Variants in STAG1 observed in about 807,000 individuals in gnomAD.
STAG1 encodes STAG1 cohesin complex component.
In STAG1, 26 loss-of-function variants were observed where a neutral mutation model predicts 170.9. The ratio of observed to expected loss-of-function variants is 0.15; its 90% CI spans 0.11 to 0.21. STAG1 has a LOEUF of 0.21. Among genes scored for constraint, STAG1 ranks in the 10% least tolerant of loss-of-function variants. The pLI, the probability that STAG1 is intolerant of heterozygous loss-of-function variation, is 1.00. For synonymous variants in STAG1, 514 were observed against 497.7 expected (o/e 1.03, Z -0.44); for missense variants, 964 against 1,509.5 (o/e 0.64, Z 5.99).
chr3:136,430,806 G>GACACACACACACACACACACACACAC (rs35492621), intron 16 of STAG1, among the ~76,000 whole-genome samples: 1 of 131,104 alleles, frequency 7.6e-6, no homozygotes, highest in Non-Finnish European at 1.6e-5. Flanking sequence ...GACATAGACA[G>GACACACACACACACACACACACACAC]ACACACACAC....
chr3:136,523,598 A>G (rs992894409), intron 6 of STAG1, among the ~76,000 whole-genome samples: 5 of 152,136 alleles, frequency 3.3e-5, no homozygotes, highest in Non-Finnish European at 2.9e-5. Flanking sequence ...CTTTAGTTTA[A>G]TTAGATCCCA....
chr3:136,449,895 T>C (rs2088888048), intron 14 of STAG1, among the ~76,000 whole-genome samples: 1 of 148,290 alleles, frequency 6.7e-6, no homozygotes, highest in African/African-American at 2.5e-5. Context: ...CTGAAACTAT[T>C]GTTGCTTTTT....
intron 4 of STAG1, among the ~76,000 whole-genome samples, chr3:136,582,340 G>C (rs1350190219): frequency 2.0e-5 from 3 of 152,144 alleles, no homozygotes; most frequent in Non-Finnish European, 4.4e-5. Flanking sequence ...GAGAGCTGAG[G>C]GAGTTTGTTT....
chr3:136,518,580 G>A (rs532312738), intron 7 of STAG1, among the ~76,000 whole-genome samples: 2 of 152,188 alleles, frequency 1.3e-5, no homozygotes, highest in South Asian at 4.1e-4. Context: ...TTTGTTGAAG[G>A]GTAGGTGACT....
chr3:136,684,435 A>G (rs936649221), intron 1 of STAG1, among the ~76,000 whole-genome samples: 3 of 152,180 alleles, frequency 2.0e-5, no homozygotes, highest in African/African-American at 7.2e-5. Context: ...AAGAAAAGAT[A>G]GGCTTTTCAA....
intron 1 of STAG1, among the ~76,000 whole-genome samples, chr3:136,689,137 G>C (rs950174185): frequency 2.0e-5 from 3 of 152,202 alleles, no homozygotes; most frequent in Non-Finnish European, 2.9e-5. Context: ...ATTTTCTCAA[G>C]AATAATTTTG....
intron 1 of STAG1, among the ~76,000 whole-genome samples, chr3:136,712,884 A>T (rs1943422668): frequency 6.6e-6 from 1 of 152,164 alleles, no homozygotes; most frequent in African/African-American, 2.4e-5. Context: ...TGAGGTCAGG[A>T]GTTTGAGACC....
intron 5 of STAG1, among the ~76,000 whole-genome samples, chr3:136,550,223 G>A (rs1936326568): frequency 6.6e-6 from 1 of 151,842 alleles, no homozygotes; most frequent in Non-Finnish European, 1.5e-5. Flanking sequence ...TTCTTTAAAT[G>A]TTTGGCGAAA....
rs3042748 is a variant in STAG1, at chr3:136,559,124, CCTATCTATCTATCTAT to C, written c.394+9625_394+9640del. On this transcript the variant is annotated intron_variant, in intron 5 of 33. Coordinates refer to ENST00000383202, the MANE Select transcript of STAG1 (RefSeq NM_005862.3). ...ATTTAAGAAAGATAACACTGAACTA[CCTATCTATCTATCTAT>C]CTATCTATCTATCTATCTATCTATA... 6.0e-4 allele frequency among the ~76,000 whole-genome samples: 86 copies of C among 144,102 alleles called. 1 individual carries two copies. The highest frequency in any genetic ancestry group is 2.0e-3 in the African/African-American group (80 of 40,530). 94.5% of individuals were successfully genotyped at this position (144,102 alleles called of 152,430 possible). A position where few individuals can be genotyped will look rare whatever the true frequency, so the allele number is the denominator to read the frequency against.
At chr3:136,527,348 T>G (rs1220052230) in intron 6 of STAG1, among the ~76,000 whole-genome samples, 3 of 152,200 alleles carry the variant, frequency 2.0e-5, no homozygotes, top group Non-Finnish European at 2.9e-5. Context: ...TCATTTGATC[T>G]TCAATCACCG....
chr3:136,587,309 G>A (rs1937878791), intron 4 of STAG1, among the ~76,000 whole-genome samples: 1 of 152,242 alleles, frequency 6.6e-6, no homozygotes, highest in East Asian at 1.9e-4. Context: ...GCAGGCCGAG[G>A]CAGGTGGATC....
chr3:136,674,102 CAAAA>C (rs1172904659), intron 1 of STAG1, among the ~76,000 whole-genome samples: 1 of 44,198 alleles, frequency 2.3e-5, no homozygotes, highest in Non-Finnish European at 4.3e-5. Context: ...GACTCTGTCT[CAAAA>C]AAAAAAAAAA....
intron 22 of STAG1, among the ~76,000 whole-genome samples, chr3:136,393,588 AT>A (rs1437304001): frequency 1.3e-4 from 19 of 147,178 alleles, no homozygotes; most frequent in Non-Finnish European, 2.4e-4. Flanking sequence ...CCTACGCTTC[AT>A]CTTTTTTTTT....
chr3:136,451,899 T>A, intron 14 of STAG1, 134 bp downstream of exon 14: 1 of 609,234 alleles, frequency 1.6e-6, no homozygotes, highest in Non-Finnish European at 2.8e-6. Flanking sequence ...ACTGATTCTA[T>A]ATCATGCAAT....
intron 1 of STAG1, among the ~76,000 whole-genome samples, chr3:136,657,728 G>A (rs1941437905): frequency 6.6e-6 from 1 of 152,112 alleles, no homozygotes; most frequent in Non-Finnish European, 1.5e-5. Flanking sequence ...AGGCTTAAGT[G>A]GGAGGACTAC....
intron 13 of STAG1, among the ~76,000 whole-genome samples, chr3:136,462,289 C>T (rs2089296781): frequency 6.6e-6 from 1 of 152,102 alleles, no homozygotes; most frequent in Admixed American, 6.5e-5. Context: ...ATGGAATCAA[C>T]CTAAGTGTTC....
rs554771350 is a variant in STAG1, at chr3:136,370,432, C to A, written c.2371-1150G>T. On this transcript the variant is annotated intron_variant, in intron 23 of 33. Coordinates refer to ENST00000383202, the MANE Select transcript of STAG1 (RefSeq NM_005862.3). ...CGTGCAGGTTTGTTACATAGGTATA[C>A]ATGTGCCATGTTGGTGTGCTGCACC... Among the ~76,000 whole-genome samples the A allele has an allele frequency of 2.0e-5, 3 of 152,248 alleles. No individual in the cohort carries two copies. The South Asian group carries it at 6.2e-4, about 32-fold the overall frequency.
chr3:136,559,192 A>C (rs892839898), intron 5 of STAG1, among the ~76,000 whole-genome samples: 1 of 152,028 alleles, frequency 6.6e-6, no homozygotes, highest in Admixed American at 6.6e-5. Context: ...AGGTGAGGAG[A>C]TAAGAATTCA....
At chr3:136,436,591 A>G (rs2088469839) in intron 15 of STAG1, among the ~76,000 whole-genome samples, 1 of 151,960 alleles carries the variant, frequency 6.6e-6, no homozygotes, top group South Asian at 2.1e-4. Context: ...TTAAACTCAG[A>G]TTTTGATAAT....
Sources: gnomAD v4.1 joint callset for allele counts (sites outside exome capture counted in the v4.1 genomes callset) on GRCh38, gnomAD v4.1.1 for gene constraint, MANE v1.5 for transcripts, NCBI Gene and HGNC (gene_info 2026-07-23, HGNC 2026-07-21) for gene names.